The following ACOT12 variants were observed in gnomAD, a reference collection of about 807,000 sequenced individuals.
The protein encoded by ACOT12 is acetyl-coenzyme A thioesterase.
In ACOT12, 51 loss-of-function variants were observed where a neutral mutation model predicts 67.7. That is an observed-to-expected ratio of 0.75 (90% confidence interval 0.60 to 0.95). The LOEUF (loss-of-function observed/expected upper bound fraction) is 0.95. Among genes scored for constraint, ACOT12 ranks in the 40% least tolerant of loss-of-function variants. The pLI, the probability that ACOT12 is intolerant of heterozygous loss-of-function variation, is 0.00. For synonymous variants in ACOT12, 251 were observed against 244.6 expected, an observed-to-expected ratio of 1.03 and a Z score of -0.24; for missense variants, 734 against 708.1, an observed-to-expected ratio of 1.04 and a Z score of -0.41.
intron 5 of ACOT12, among the ~76,000 whole-genome samples, chr5:81,350,647 A>G (rs1759524462): frequency 2.0e-5 from 3 of 152,228 alleles, no homozygotes; most frequent in African/African-American, 7.2e-5. Flanking sequence ...GGGGTCCTAC[A>G]ACACAGCACC....
chr5:81,335,239 A>G (rs970464510), intron 12 of ACOT12, among the ~76,000 whole-genome samples: 1 of 152,208 alleles, frequency 6.6e-6, no homozygotes. Flanking sequence ...ATTGACCTTG[A>G]AGTTACTGGT....
In ACOT12 at chr5:81,330,163, G is replaced by C. The variant is rs893635596; in HGVS notation, c.*231C>G. 9 of 419,860 alleles carry C rather than the reference G, an allele frequency of 2.1e-5. No homozygotes were observed. Among genetic ancestry groups the C allele is most frequent in the Non-Finnish European group, 3.4e-5 (8 of 237,550 alleles). 26.0% of individuals were successfully genotyped at this position (419,860 alleles called of 1,614,324 possible). On this transcript the variant is annotated 3_prime_UTR_variant, in exon 15 of 15. Coordinates refer to ENST00000307624, the MANE Select transcript of ACOT12 (RefSeq NM_130767.3). ...CAATTTTCCACTATCTGTGCCCCTGGAAGAGGCAGAGCCACAGATGACTTA... is the reference window on the plus strand; with the variant it reads ...CAATTTTCCACTATCTGTGCCCCTGCAAGAGGCAGAGCCACAGATGACTTA...
At chr5:81,325,013 G>T (rs910479161), downstream of ACOT12, among the ~76,000 whole-genome samples, 2 of 152,152 alleles carry the variant, frequency 1.3e-5, no homozygotes, top group African/African-American at 4.8e-5. Context: ...AGACACCTGT[G>T]GTTGTGAAAA....
intron 2 of ACOT12, among the ~76,000 whole-genome samples, chr5:81,372,069 G>A (rs898138834): frequency 6.6e-6 from 1 of 152,176 alleles, no homozygotes; most frequent in African/African-American, 2.4e-5. Flanking sequence ...GATAGTGTGC[G>A]ACATGACTCC....
intron 10 of ACOT12, 40 bp from the exon 11 acceptor site, chr5:81,342,795 A>G: frequency 6.3e-7 from 1 of 1,582,770 alleles, no homozygotes; most frequent in Non-Finnish European, 8.7e-7. Flanking sequence ...TATGTGTTCA[A>G]TACATGGATG....
the ACOT12 span, chr5:81,311,396 T>A: frequency 1.9e-6 from 2 of 1,048,534 alleles, no homozygotes; most frequent in Non-Finnish European, 2.9e-6. Flanking sequence ...CAACCTGTTT[T>A]CCTACTGTAG....
At chr5:81,384,741 T>G (rs35627535) in intron 2 of ACOT12, among the ~76,000 whole-genome samples, 12,483 of 152,248 alleles carry the variant, frequency 0.082, 630 homozygotes, top group Middle Eastern at 0.15. Context: ...CTGTATAGAC[T>G]GAAACATTTA....
chr5:81,308,750 A>G, the ACOT12 span: 1 of 1,583,748 alleles, frequency 6.3e-7, no homozygotes, highest in Non-Finnish European at 8.6e-7. Flanking sequence ...GTTCATGGGG[A>G]AAGCCAATAA....
In ACOT12 at chr5:81,371,932, T is replaced by C. The variant is rs1580580522; in HGVS notation, c.198-122A>G. The C allele has an allele frequency of 7.3e-6, 6 of 823,450 alleles. No homozygotes were observed. In the East Asian group the frequency reaches 1.5e-4, roughly 20 times the overall value. The allele number at this position is 823,450 out of a possible 1,614,324, so 51.0% of individuals were successfully genotyped here. ...CACCTTATCATGCTGATAATTTTCA[T>C]GCATGCGAAATTCAGGTTAATGATA... On this transcript the variant is annotated intron_variant, in intron 2 of 14. Coordinates refer to ENST00000307624, the MANE Select transcript of ACOT12 (RefSeq NM_130767.3).
At chr5:81,353,535 A>C (rs1439368414) in intron 5 of ACOT12, among the ~76,000 whole-genome samples, 1 of 152,236 alleles carries the variant, frequency 6.6e-6, no homozygotes, top group Non-Finnish European at 1.5e-5. Context: ...TTCTTTCTGC[A>C]TATCCAGAAA....
chr5:81,328,064 T>C (rs1453505022), downstream of ACOT12, among the ~76,000 whole-genome samples: 1 of 152,164 alleles, frequency 6.6e-6, no homozygotes, highest in African/African-American at 2.4e-5. Context: ...ACCAGGTTCT[T>C]TGCTTTCCTA....
chr5:81,344,942 A>G lies in ACOT12; in HGVS notation c.873T>C (p.Ala291=). ...ACGTGATGAGATTTTCCTTATCATC[A>G]GCAGCATTGTAAATGAGAAAAGCAC... ...INSAFLIYNA[A]DDKENLITFP... Residue 291 remains alanine, a synonymous_variant, in exon 8 of 15, where the codon GCT becomes GCC. Coordinates refer to ENST00000307624, the MANE Select transcript of ACOT12 (RefSeq NM_130767.3). 1 of 1,614,220 alleles carries G rather than the reference A, an allele frequency of 6.2e-7. No individual in the cohort carries two copies. Among genetic ancestry groups the G allele is most frequent in the East Asian group, 2.2e-5 (1 of 44,890 alleles).
Position 81,362,425 on chromosome 5 carries a change from C to T in ACOT12, c.360+1363G>A, listed in dbSNP as rs371846680. Reference sequence around the variant, plus strand: ...AGGTGATCCACCCGCCTCAGCCTCCCAAATTGCTGGGATTACAGGCATGAG... The same window carrying T: ...AGGTGATCCACCCGCCTCAGCCTCCTAAATTGCTGGGATTACAGGCATGAG... On this transcript the variant is annotated intron_variant, in intron 4 of 14. Transcript: ENST00000307624. Among the ~76,000 whole-genome samples the T allele has an allele frequency of 3.3e-5, 5 of 152,282 alleles. No individual in the cohort carries two copies. In the East Asian group the frequency reaches 9.7e-4, roughly 29 times the overall value.
At chr5:81,360,338 T>C (rs1375271277) in intron 4 of ACOT12, among the ~76,000 whole-genome samples, 2 of 152,244 alleles carry the variant, frequency 1.3e-5, no homozygotes, top group East Asian at 3.8e-4. Context: ...AAATTATTCA[T>C]ATTGATGAAT....
At chr5:81,323,083 GAAA>G in the ACOT12 span, among the ~76,000 whole-genome samples, 23 of 104,076 alleles carry the variant, frequency 2.2e-4, no homozygotes, top group African/African-American at 7.6e-4. Flanking sequence ...ATAGCAAAAA[GAAA>G]AAAAAAAAAA....
intron 2 of ACOT12, among the ~76,000 whole-genome samples, chr5:81,381,066 ACC>A (rs1760568987): frequency 2.7e-5 from 4 of 148,370 alleles, no homozygotes; most frequent in Admixed American, 6.7e-5. Flanking sequence ...CAGTATTAAA[ACC>A]TTTTTTTTTT....
chr5:81,332,624 G>A lies in ACOT12; in HGVS notation c.1263-19C>T. 6.2e-7 allele frequency: 1 copy of A among 1,613,106 alleles called. No individual in the cohort carries two copies. Among genetic ancestry groups the A allele is most frequent in the Non-Finnish European group, 8.5e-7 (1 of 1,179,608 alleles). On this transcript the variant is annotated intron_variant, in intron 12 of 14. Transcript: ENST00000307624. The stretch of plus-strand genomic sequence containing the variant: ...ACAGGACCTGTGTATATAGAACAGT[G>A]AAAAGCAGGTATACTTTCTACCTGC...
intron 2 of ACOT12, among the ~76,000 whole-genome samples, chr5:81,382,825 T>G (rs557413825): frequency 4.0e-5 from 6 of 150,910 alleles, no homozygotes; most frequent in African/African-American, 9.8e-5. Flanking sequence ...AGAAGAAGAA[T>G]AACATGGATG....
At chr5:81,369,165 A>AC (rs1328623519) in intron 3 of ACOT12, among the ~76,000 whole-genome samples, 1 of 152,180 alleles carries the variant, frequency 6.6e-6, no homozygotes, top group African/African-American at 2.4e-5. Context: ...AAAAAAAAAA[A>AC]AACTCACACT....
Sources: gnomAD v4.1 joint callset for allele counts (sites outside exome capture counted in the v4.1 genomes callset) on GRCh38, gnomAD v4.1.1 for gene constraint, MANE v1.5 for transcripts, NCBI Gene and HGNC (gene_info 2026-07-23, HGNC 2026-07-21) for gene names.